Variants in APBB1IP observed in about 807,000 individuals in gnomAD.
APBB1IP encodes the protein amyloid beta precursor protein binding family B member 1 interacting protein.
Under a neutral mutation model 64.9 loss-of-function variants are expected in APBB1IP, and 27 were observed. The observed-to-expected ratio is 0.42, with a 90% CI of 0.31 to 0.57. APBB1IP has a LOEUF of 0.57. APBB1IP is among the 20% of genes least tolerant of loss of function. APBB1IP has a pLI of 0.20. For missense variants in APBB1IP, 812 were observed against 845.5 expected (o/e 0.96, Z 0.49); for synonymous variants, 392 against 331.0 (o/e 1.18, Z -2.00).
chr10:26,501,238 T>A, intron 5 of APBB1IP, 127 bp downstream of exon 5: 1 of 1,382,506 alleles, frequency 7.2e-7, no homozygotes, highest in Non-Finnish European at 1.0e-6. Flanking sequence ...AAAACAAAGA[T>A]ACAGAGCACG....
chr10:26,555,386 C>A (rs1304309438), intron 11 of APBB1IP, among the ~76,000 whole-genome samples: 3 of 152,208 alleles, frequency 2.0e-5, no homozygotes, highest in East Asian at 1.9e-4. Context: ...TACAGAATTT[C>A]TCCATGTTCT....
chr10:26,471,926 G>A (rs376272504), intron 2 of APBB1IP, among the ~76,000 whole-genome samples: 8 of 152,158 alleles, frequency 5.3e-5, no homozygotes, highest in East Asian at 3.9e-4. Context: ...CTCATGATCC[G>A]CCCTCCTCGG....
chr10:26,561,221 A>G (rs1017465543), intron 13 of APBB1IP, among the ~76,000 whole-genome samples: 10 of 150,294 alleles, frequency 6.7e-5, no homozygotes, highest in Non-Finnish European at 1.2e-4. Context: ...AGCGCCCGCC[A>G]CCATGCCTGG....
At chr10:26,476,099 C>A (rs1382622877) in intron 2 of APBB1IP, among the ~76,000 whole-genome samples, 1 of 149,962 alleles carries the variant, frequency 6.7e-6, no homozygotes, top group African/African-American at 2.5e-5. Context: ...CCCTCTGTGG[C>A]CCAGGCTAGG....
chr10:26,472,593 A>ATTC (rs1161349179), intron 2 of APBB1IP, among the ~76,000 whole-genome samples: 1 of 151,904 alleles, frequency 6.6e-6, no homozygotes, highest in Non-Finnish European at 1.5e-5. Context: ...TCATTCATTC[A>ATTC]TTCATTCACA....
At position 26,567,367 on chromosome 10, in the gene APBB1IP, C is replaced by T; in HGVS notation, c.1880C>T (p.Pro627Leu). The T allele has an allele frequency of 8.4e-6, 13 of 1,555,846 alleles. No homozygotes were observed. Among genetic ancestry groups the T allele is most frequent in the Non-Finnish European group, 1.0e-5 (12 of 1,145,752 alleles). The change falls in exon 15 of 15, where the codon CCT (proline) becomes CTT (leucine). Residue 627 changes from proline to leucine, a missense_variant. Pro to Leu is a moderately conservative substitution (Grantham distance 98, BLOSUM62 -3). Transcript: ENST00000376236. ...CCGCCCCCCGCGGTGGCCAAGAGGCCTCCTGTGCCCCCCAAGAGGCAAGAG... is the reference window on the plus strand; with the variant it reads ...CCGCCCCCCGCGGTGGCCAAGAGGCTTCCTGTGCCCCCCAAGAGGCAAGAG... The part of the protein sequence containing the change: ...ARPPPAVAKR[P>L]PVPPKRQENP...
At chr10:26,494,655 T>C (rs1835997440) in intron 3 of APBB1IP, among the ~76,000 whole-genome samples, 3 of 152,202 alleles carry the variant, frequency 2.0e-5, no homozygotes, top group Non-Finnish European at 4.4e-5. Flanking sequence ...TGAAACCCCA[T>C]CTTTACTAAA....
intron 4 of APBB1IP, among the ~76,000 whole-genome samples, chr10:26,498,703 A>G (rs985796134): frequency 2.0e-5 from 3 of 152,206 alleles, no homozygotes; most frequent in Admixed American, 2.0e-4. Flanking sequence ...CTTTCTAAGC[A>G]CTAACTCAGT....
intron 11 of APBB1IP, among the ~76,000 whole-genome samples, chr10:26,549,721 C>G (rs1214132288): frequency 6.6e-6 from 1 of 151,668 alleles, no homozygotes; most frequent in Non-Finnish European, 1.5e-5. Context: ...CTTAGACTAG[C>G]TAAAGGTTTC....
In APBB1IP at chr10:26,463,421, C is replaced by T. The variant is rs1835615302; in HGVS notation, c.-1+24568C>T. On this transcript the variant is annotated intron_variant, in intron 2 of 14. Coordinates refer to ENST00000376236, the MANE Select transcript of APBB1IP (RefSeq NM_019043.4). ...TGCCACTGTACTCCAGCCTGAGTGACAGAGTGGGACCCCATGTCTAAAATT... is the reference window on the plus strand; with the variant it reads ...TGCCACTGTACTCCAGCCTGAGTGATAGAGTGGGACCCCATGTCTAAAATT... Among the ~76,000 whole-genome samples, 4 of 152,158 alleles carry T rather than the reference C, an allele frequency of 2.6e-5. No individual in the cohort carries two copies. The South Asian group carries it at 6.2e-4, about 24-fold the overall frequency.
At chr10:26,480,230 G>A (rs561189348) in intron 2 of APBB1IP, among the ~76,000 whole-genome samples, 48 of 152,256 alleles carry the variant, frequency 3.2e-4, no homozygotes, top group African/African-American at 1.1e-3. Context: ...GTAAAGTGGA[G>A]ATAGTGCTGG....
intron 6 of APBB1IP, among the ~76,000 whole-genome samples, chr10:26,505,484 C>A (rs1836163406): frequency 6.6e-6 from 1 of 152,096 alleles, no homozygotes; most frequent in African/African-American, 2.4e-5. Context: ...CAGTGAGCTA[C>A]CCTGGTTCAA....
chr10:26,546,030 G>A (rs1836761307), intron 11 of APBB1IP, among the ~76,000 whole-genome samples: 2 of 152,114 alleles, frequency 1.3e-5, no homozygotes, highest in Non-Finnish European at 2.9e-5. Context: ...TGAGCTTGAT[G>A]ACTATGGCTG....
At chr10:26,456,700 C>T (rs1835529435) in intron 2 of APBB1IP, among the ~76,000 whole-genome samples, 1 of 135,084 alleles carries the variant, frequency 7.4e-6, no homozygotes, top group South Asian at 2.5e-4. Context: ...GATCATGCCA[C>T]CGCACTCCAG....
chr10:26,510,734 T>TCTCTCACACACA lies in APBB1IP; in HGVS notation c.532-1012_532-1011insTCTCACACACAC, dbSNP rs375916170. On this transcript the variant is annotated intron_variant, in intron 6 of 14. Coordinates refer to ENST00000376236, the MANE Select transcript of APBB1IP (RefSeq NM_019043.4). ...CTAGGCAACAGAGCAAGACCCTGTC[T>TCTCTCACACACA]CACACACACACACACACACACACAC... Among the ~76,000 whole-genome samples the TCTCTCACACACA allele has an allele frequency of 3.7e-5, 5 of 135,892 alleles. No individual in the cohort carries two copies. The East Asian group carries it at 6.6e-4, about 18-fold the overall frequency. 89.2% of individuals were successfully genotyped at this position (135,892 alleles called of 152,430 possible). A position where few individuals can be genotyped will look rare whatever the true frequency, so the allele number is the denominator to read the frequency against.
intron 8 of APBB1IP, among the ~76,000 whole-genome samples, chr10:26,519,513 T>C (rs1012933156): frequency 2.0e-5 from 3 of 152,126 alleles, no homozygotes; most frequent in Non-Finnish European, 4.4e-5. Flanking sequence ...AACTCTATCA[T>C]GAGACAGCAC....
chr10:26,448,641 C>A (rs1309256909), intron 2 of APBB1IP, among the ~76,000 whole-genome samples: 1 of 152,238 alleles, frequency 6.6e-6, no homozygotes, highest in Non-Finnish European at 1.5e-5. Flanking sequence ...CCTGTCCCTA[C>A]AATCTGATTT....
rs1159586691 is a variant in APBB1IP at position 26,501,338 on chromosome 10, T to C, written c.453+227T>C. 1.0e-5 allele frequency: 6 copies of C among 579,132 alleles called. No homozygotes were observed. In the East Asian group the frequency reaches 1.1e-4, roughly 11 times the overall value. The allele number at this position is 579,132 out of a possible 1,614,324, so 35.9% of individuals were successfully genotyped here. ...GCCATATTCAGGATTTACTGTAGTTTGCTTAAAAAATATTTGTATGCAAAA... is the reference window on the plus strand; with the variant it reads ...GCCATATTCAGGATTTACTGTAGTTCGCTTAAAAAATATTTGTATGCAAAA... On this transcript the variant is annotated intron_variant, in intron 5 of 14. Coordinates refer to ENST00000376236, the MANE Select transcript of APBB1IP (RefSeq NM_019043.4).
chr10:26,471,821 A>G (rs1835719815), intron 2 of APBB1IP, among the ~76,000 whole-genome samples: 1 of 152,110 alleles, frequency 6.6e-6, no homozygotes, highest in South Asian at 2.1e-4. Context: ...AATAGCTAGG[A>G]TGACAGGCAC....
Sources: gnomAD v4.1 joint callset for allele counts (sites outside exome capture counted in the v4.1 genomes callset) on GRCh38, gnomAD v4.1.1 for gene constraint, MANE v1.5 for transcripts, NCBI Gene and HGNC (gene_info 2026-07-23, HGNC 2026-07-21) for gene names.